Variants in AKAP9 observed in about 807,000 individuals in gnomAD.
AKAP9 encodes A-kinase anchoring protein 9.
Under a neutral mutation model 488.5 loss-of-function variants are expected in AKAP9, and 311 were observed. The ratio of observed to expected loss-of-function variants is 0.64; its 90% confidence interval spans 0.58 to 0.70. The LOEUF is 0.70. Among genes scored for constraint, AKAP9 ranks in the 30% least tolerant of loss-of-function variants. AKAP9 has a pLI of 0.00. For synonymous variants in AKAP9, 1,462 were observed against 1,483.5 expected (o/e 0.99, Z 0.33); for missense variants, 4,215 against 4,374.5 (o/e 0.96, Z 1.03).
intron 10 of AKAP9, 115 bp downstream of exon 10, chr7:92,014,443 C>T (rs1276551131): frequency 6.7e-6 from 5 of 740,898 alleles, no homozygotes; most frequent in South Asian, 4.4e-5. Flanking sequence ...GCCTGGCCAA[C>T]GTGGTGAAAC....
intron 8 of AKAP9, among the ~76,000 whole-genome samples, chr7:92,004,312 T>G (rs1799533988): frequency 6.6e-6 from 1 of 152,208 alleles, no homozygotes; most frequent in Non-Finnish European, 1.5e-5. Context: ...CTTATGAACT[T>G]TAAAGTAGTT....
intron 14 of AKAP9, among the ~76,000 whole-genome samples, chr7:92,023,787 T>A (rs1355533787): frequency 6.6e-6 from 1 of 152,188 alleles, no homozygotes; most frequent in Non-Finnish European, 1.5e-5. Flanking sequence ...TGTCTGTCAC[T>A]GTCTTCTGAC....
rs758027918 is a variant in AKAP9 at position 92,001,347 on chromosome 7, C to T, written c.1430C>T (p.Ser477Leu). The T allele has an allele frequency of 6.2e-7, 1 of 1,613,580 alleles. No individual in the cohort carries two copies. Among genetic ancestry groups the T allele is most frequent in the Non-Finnish European group, 8.5e-7 (1 of 1,179,690 alleles). The change falls in exon 8 of 50, where the codon TCA becomes TTA. Residue 477 changes from serine (S) to leucine (L), a missense_variant. Ser to Leu is a moderately radical substitution (Grantham distance 145, BLOSUM62 -2). Transcript: ENST00000356239. ...GGAGAAATGGAGAATGCTTTAAGGT[C>T]ATATTCAAATATTACAGTTAATGAA... is the stretch of plus-strand genomic sequence containing the variant. ...HKGEMENALR[S>L]YSNITVNEDQ...
chr7:91,984,928 T>C (rs976487698), intron 3 of AKAP9, among the ~76,000 whole-genome samples: 1 of 152,234 alleles, frequency 6.6e-6, no homozygotes, highest in African/African-American at 2.4e-5. Flanking sequence ...TTTGGCTCTC[T>C]GTTTGTCTGT....
chr7:92,101,009 T>C lies in AKAP9; in HGVS notation c.11050T>C (p.Ser3684Pro). The change falls in exon 45 of 50, where the codon TCT (serine) becomes CCT (proline). Residue 3684 changes from serine to proline, a missense_variant. Coordinates refer to ENST00000356239, the MANE Select transcript of AKAP9 (RefSeq NM_005751.5). ...ACTGAAAGCTGAACTAAGAAATGAC[T>C]CTTTACTTCAAACTCTGAGCCCTGA... ...YKLKAELRNDSLLQTLSPDSE... is the reference protein window; with the variant it reads ...YKLKAELRNDPLLQTLSPDSE... The C allele has an allele frequency of 2.5e-6, 4 of 1,614,126 alleles. No individual in the cohort carries two copies. Among genetic ancestry groups the C allele is most frequent in the Non-Finnish European group, 2.5e-6 (3 of 1,180,024 alleles).
chr7:92,038,474 C>G lies in AKAP9; in HGVS notation c.4394C>G (p.Ser1465Cys). 6.2e-7 allele frequency: 1 copy of G among 1,613,842 alleles called. No homozygotes were observed. The highest frequency in any genetic ancestry group is 1.1e-5 in the South Asian group (1 of 91,058). Residue 1465 changes from serine to cysteine, a missense_variant, in exon 17 of 50, where the codon TCT becomes TGT. By Grantham distance (112) the Ser-to-Cys change is moderately radical. Transcript: ENST00000356239. ...CAACAAACTGAACTGTCTAGAATAT[C>G]TGGGGGAAAAGAAAATACTGCATCA... is the stretch of plus-strand genomic sequence containing the variant. ...FAQQTELSRI[S>C]GGKENTASSK...
At chr7:92,046,082 GT>G (rs1806943556) in intron 21 of AKAP9, among the ~76,000 whole-genome samples, 1 of 151,908 alleles carries the variant, frequency 6.6e-6, no homozygotes, top group Non-Finnish European at 1.5e-5. Context: ...GATCTCCCTG[GT>G]TTGGCCTCCC....
chr7:92,083,145 T>A (rs1307806239), intron 32 of AKAP9, 25 bp from the exon 33 acceptor site: 1 of 1,611,708 alleles, frequency 6.2e-7, no homozygotes, highest in Non-Finnish European at 8.5e-7. Context: ...CTGAATGCCC[T>A]ACTGTTCTAT....
intron 5 of AKAP9, among the ~76,000 whole-genome samples, chr7:91,993,296 C>T (rs574312839): frequency 6.6e-6 from 1 of 151,814 alleles, no homozygotes; most frequent in South Asian, 2.1e-4. Context: ...TCAAGCGATC[C>T]TCCCACCTCA....
At chr7:92,010,590 C>T (rs1800598753) in intron 8 of AKAP9, among the ~76,000 whole-genome samples, 1 of 152,216 alleles carries the variant, frequency 6.6e-6, no homozygotes, top group African/African-American at 2.4e-5. Context: ...AACTCCTGGG[C>T]TCAAGCAGTT....
At chr7:92,041,507 C>T (rs922397323) in intron 18 of AKAP9, 1 of 154,228 alleles carries the variant, frequency 6.5e-6, no homozygotes, top group African/African-American at 2.4e-5. Flanking sequence ...AATTTAAATA[C>T]TTCTTGGTAT....
intron 31 of AKAP9, 45 bp downstream of exon 31, chr7:92,080,197 C>T (rs1343478574): frequency 7.2e-7 from 1 of 1,380,678 alleles, no homozygotes; most frequent in Non-Finnish European, 9.8e-7. Context: ...CCCCAAGAAA[C>T]TAAGCTGATT....
chr7:92,059,731 A>G (rs1400106071), intron 22 of AKAP9, among the ~76,000 whole-genome samples: 1 of 151,784 alleles, frequency 6.6e-6, no homozygotes, highest in Non-Finnish European at 1.5e-5. Flanking sequence ...AACAATTGAT[A>G]TGTTTTTAAA....
intron 8 of AKAP9, among the ~76,000 whole-genome samples, chr7:92,003,722 T>C (rs771611465): frequency 6.6e-6 from 1 of 152,070 alleles, no homozygotes; most frequent in African/African-American, 2.4e-5. Flanking sequence ...AAAAAAAACC[T>C]TTGATTTAAG....
At chr7:91,999,164 C>G (rs1386453017) in intron 7 of AKAP9, among the ~76,000 whole-genome samples, 1 of 151,976 alleles carries the variant, frequency 6.6e-6, no homozygotes, top group East Asian at 1.9e-4. Context: ...TTTTTTTTCC[C>G]CTGTCAACTG....
chr7:92,017,282 G>A (rs909001297), intron 12 of AKAP9, among the ~76,000 whole-genome samples, 180 bp downstream of exon 12: 1 of 152,086 alleles, frequency 6.6e-6, no homozygotes, highest in African/African-American at 2.4e-5. Flanking sequence ...ATTTCTGCAA[G>A]TCGAATAATA....
At position 92,110,312 on chromosome 7, in the gene AKAP9, A is replaced by G; in HGVS notation, c.*153A>G. The G allele has an allele frequency of 1.5e-6, 1 of 649,466 alleles. No homozygotes were observed. The highest frequency in any genetic ancestry group is 2.7e-6 in the Non-Finnish European group (1 of 369,934). The allele number at this position is 649,466 out of a possible 1,614,324, so 40.2% of individuals were successfully genotyped here. On this transcript the variant is annotated 3_prime_UTR_variant, in exon 50 of 50. Coordinates refer to ENST00000356239, the MANE Select transcript of AKAP9 (RefSeq NM_005751.5). ...AAATCCCTTGCCAGCACATGAAAAC[A>G]AACTGGAATTTGTATATATAAGCAT...
intron 14 of AKAP9, among the ~76,000 whole-genome samples, chr7:92,024,991 A>C (rs1180288874): frequency 6.6e-6 from 1 of 152,154 alleles, no homozygotes; most frequent in Non-Finnish European, 1.5e-5. Flanking sequence ...ACTTTAATAT[A>C]ATTTTTTTAA....
intron 22 of AKAP9, among the ~76,000 whole-genome samples, chr7:92,056,241 AG>A (rs1170688968): frequency 6.6e-6 from 1 of 151,964 alleles, no homozygotes; most frequent in African/African-American, 2.4e-5. Flanking sequence ...CTGTTTATAA[AG>A]GGTTGTTTCT....
Sources: gnomAD v4.1 joint callset for allele counts (sites outside exome capture counted in the v4.1 genomes callset) on GRCh38, gnomAD v4.1.1 for gene constraint, MANE v1.5 for transcripts, NCBI Gene and HGNC (gene_info 2026-07-23, HGNC 2026-07-21) for gene names.